EEA1: variants seen among roughly 807,000 people sequenced by gnomAD.
EEA1 encodes early endosome antigen 1, 162kD.
In EEA1, 111 loss-of-function variants were observed where a neutral mutation model predicts 209.2. That is an observed-to-expected ratio of 0.53 (90% confidence interval 0.45 to 0.62). EEA1 has a LOEUF of 0.62. Ranked by LOEUF, EEA1 falls within the 20% of genes least tolerant of loss-of-function variation. The pLI is 0.00. For missense variants in EEA1, 1,343 were observed against 1,530.8 expected (o/e 0.88, Z 2.05); for synonymous variants, 536 against 540.6 (o/e 0.99, Z 0.12).
chr12:92,810,933 G>A (rs543292495), intron 17 of EEA1, among the ~76,000 whole-genome samples: 1 of 152,124 alleles, frequency 6.6e-6, no homozygotes, highest in South Asian at 2.1e-4. Context: ...GGTAAGAGAT[G>A]GAAGAATGAA....
intron 2 of EEA1, 108 bp from the exon 3 acceptor site, chr12:92,865,095 A>G: frequency 1.2e-6 from 1 of 818,014 alleles, no homozygotes; most frequent in Non-Finnish European, 1.7e-6. Flanking sequence ...CAATGGTGCC[A>G]TTAGGTAAAT....
rs1474136453 is a variant in EEA1, at chr12:92,836,397, A to G, written c.916-3547T>C. ...TTGTTATCTCAATATATATTCTTAC[A>G]GCGACAATTTCCCTATATTACGCTC... On this transcript the variant is annotated intron_variant, in intron 10 of 28. Transcript: ENST00000322349. 2.0e-5 allele frequency among the ~76,000 whole-genome samples: 3 copies of G among 152,182 alleles called. No individual in the cohort carries two copies. The East Asian group carries it at 5.8e-4, about 29-fold the overall frequency.
intron 3 of EEA1, among the ~76,000 whole-genome samples, chr12:92,861,962 C>T (rs1230023404): frequency 6.6e-6 from 1 of 152,048 alleles, no homozygotes; most frequent in Non-Finnish European, 1.5e-5. Flanking sequence ...AAAGATCTAG[C>T]CTAAAAAAGC....
At chr12:92,923,845 CAAAAAAAA>C (rs200069645) in intron 1 of EEA1, among the ~76,000 whole-genome samples, 1 of 75,244 alleles carries the variant, frequency 1.3e-5, no homozygotes, top group Admixed American at 1.4e-4. Context: ...ACCTCATCTA[CAAAAAAAA>C]AAAAAAAAAA....
chr12:92,877,959 G>A (rs1878985670), intron 2 of EEA1, among the ~76,000 whole-genome samples: 1 of 152,212 alleles, frequency 6.6e-6, no homozygotes, highest in Non-Finnish European at 1.5e-5. Context: ...GAAGCTGGAA[G>A]CAGGCATTTC....
intron 13 of EEA1, 25 bp from the exon 14 acceptor site, chr12:92,819,536 T>C (rs746279236): frequency 6.7e-7 from 1 of 1,501,656 alleles, no homozygotes; most frequent in South Asian, 1.3e-5. Flanking sequence ...AAACTACTAC[T>C]TTAAGAATAG....
rs748590154 is a variant in EEA1 at position 92,776,927 on chromosome 12, C to T, written c.4030G>A (p.Ala1344Thr). The T allele has an allele frequency of 6.2e-7, 1 of 1,611,590 alleles. No homozygotes were observed. The highest frequency in any genetic ancestry group is 1.7e-5 in the Admixed American group (1 of 59,898). The change falls in exon 28 of 29, where the codon GCG (alanine) becomes ACG (threonine). Residue 1344 changes from alanine (A) to threonine (T), a missense_variant. By Grantham distance (58) the Ala-to-Thr change is moderately conservative. Coordinates refer to ENST00000322349, the MANE Select transcript of EEA1 (RefSeq NM_003566.4). ...TCTTCGGCCCACTTTCTATTCAACGCTTGTGTATGTTTGATCTGTTTTTTA... is the reference window on the plus strand; with the variant it reads ...TCTTCGGCCCACTTTCTATTCAACGTTTGTGTATGTTTGATCTGTTTTTTA... ...NQSLQIKHTQ[A>T]LNRKWAEDNE...
At chr12:92,829,006 T>C (rs1876470562) in intron 11 of EEA1, among the ~76,000 whole-genome samples, 1 of 152,232 alleles carries the variant, frequency 6.6e-6, no homozygotes, top group Non-Finnish European at 1.5e-5. Flanking sequence ...ACAGAATCCT[T>C]TTATTATAAT....
intron 1 of EEA1, among the ~76,000 whole-genome samples, chr12:92,901,523 T>G (rs1592767720): frequency 6.6e-6 from 1 of 151,934 alleles, no homozygotes; most frequent in East Asian, 1.9e-4. Flanking sequence ...ATGTCCATAT[T>G]TTAAATATAC....
intron 18 of EEA1, among the ~76,000 whole-genome samples, chr12:92,803,548 A>G (rs78666762): frequency 5.8e-4 from 89 of 152,250 alleles, no homozygotes; most frequent in African/African-American, 2.0e-3. Flanking sequence ...ATGTAATCAG[A>G]ATAAATTTGT....
intron 2 of EEA1, among the ~76,000 whole-genome samples, chr12:92,868,781 G>T (rs542716374): frequency 6.6e-6 from 1 of 151,742 alleles, no homozygotes; most frequent in South Asian, 2.1e-4. Context: ...ATATAATTCC[G>T]CACCTTCTCA....
At chr12:92,802,998 C>T (rs888203589) in intron 18 of EEA1, among the ~76,000 whole-genome samples, 20 of 151,962 alleles carry the variant, frequency 1.3e-4, no homozygotes, top group African/African-American at 4.6e-4. Flanking sequence ...TGACTTAATC[C>T]ATTTTTGTCC....
intron 9 of EEA1, among the ~76,000 whole-genome samples, chr12:92,847,202 G>A (rs1439756509): frequency 1.3e-5 from 2 of 151,998 alleles, no homozygotes; most frequent in South Asian, 2.1e-4. Context: ...GTGATCCACC[G>A]CCTGGGCCTC....
chr12:92,857,589 T>C (rs1039733119), intron 3 of EEA1, 104 bp from the exon 4 acceptor site: 2 of 683,492 alleles, frequency 2.9e-6, no homozygotes, highest in Non-Finnish European at 4.5e-6. Flanking sequence ...TTATAGTTTT[T>C]TCAATTCAAA....
chr12:92,909,706 G>A (rs1219742886), intron 1 of EEA1, among the ~76,000 whole-genome samples: 1 of 152,208 alleles, frequency 6.6e-6, no homozygotes, highest in Non-Finnish European at 1.5e-5. Context: ...GTTATCATGG[G>A]AATGGCTTTG....
At chr12:92,812,793 T>C (rs1316361732) in intron 16 of EEA1, among the ~76,000 whole-genome samples, 187 bp downstream of exon 16, 2 of 152,192 alleles carry the variant, frequency 1.3e-5, no homozygotes, top group Admixed American at 1.3e-4. Context: ...AAAACAAAGC[T>C]GTTATTTTTA....
chr12:92,829,760 C>T (rs1192810138), intron 11 of EEA1, among the ~76,000 whole-genome samples: 1 of 79,500 alleles, frequency 1.3e-5, no homozygotes, highest in African/African-American at 5.4e-5. Flanking sequence ...GCCTGGGTGA[C>T]AAAGTGAAAC....
rs1878020636 is a variant in EEA1, at chr12:92,859,174, G to C, written c.246-1689C>G. On this transcript the variant is annotated intron_variant, in intron 3 of 28. Coordinates refer to ENST00000322349, the MANE Select transcript of EEA1 (RefSeq NM_003566.4). ...TCTCCACCCTAGGGTCATTGTCAGG[G>C]ATCTGGATCTGAAGAAGCCAATTTA... The C allele has an allele frequency of 5.6e-6, 9 of 1,605,924 alleles. No homozygotes were observed. In the Admixed American group the frequency reaches 8.3e-5, roughly 15 times the overall value.
intron 9 of EEA1, among the ~76,000 whole-genome samples, chr12:92,850,865 G>T (rs1394730770): frequency 6.6e-6 from 1 of 151,800 alleles, no homozygotes; most frequent in East Asian, 1.9e-4. Flanking sequence ...TAAATATCAT[G>T]TCAACAATAT....
Sources: gnomAD v4.1 joint callset for allele counts (sites outside exome capture counted in the v4.1 genomes callset) on GRCh38, gnomAD v4.1.1 for gene constraint, MANE v1.5 for transcripts, NCBI Gene and HGNC (gene_info 2026-07-23, HGNC 2026-07-21) for gene names.